TENM1: variants seen among roughly 807,000 people sequenced by gnomAD.
TENM1 encodes the protein teneurin-1.
In TENM1, 35 loss-of-function variants were observed where a neutral mutation model predicts 174.8. The observed-to-expected ratio is 0.20, with a 90% CI of 0.15 to 0.27. TENM1 has a LOEUF of 0.27. TENM1 is among the 10% of genes least tolerant of loss of function. The pLI is 1.00. For missense variants in TENM1, 1,633 were observed against 2,130.1 expected, an observed-to-expected ratio of 0.77 and a Z score of 4.59; for synonymous variants, 781 against 798.7, an observed-to-expected ratio of 0.98 and a Z score of 0.37.
At chrX:124,905,997 T>C (rs1055444129) in intron 1 of TENM1, among the ~76,000 whole-genome samples, 4 of 112,224 alleles carry the variant, frequency 3.6e-5, no homozygotes, top group Admixed American at 1.9e-4. Context: ...TTTGAATTCA[T>C]AGATAGATGT....
At chrX:124,752,487 T>C (rs1379532840) in intron 3 of TENM1, among the ~76,000 whole-genome samples, 5 of 111,817 alleles carry the variant, frequency 4.5e-5, no homozygotes, top group Non-Finnish European at 1.9e-5. Flanking sequence ...GCAGAAGCTC[T>C]TTAGTTTAAT....
At chrX:124,582,001 C>T (rs1402217580) in intron 11 of TENM1, among the ~76,000 whole-genome samples, 1 of 111,697 alleles carries the variant, frequency 9.0e-6, no homozygotes, top group Non-Finnish European at 1.9e-5. Context: ...AGGTATTAAG[C>T]CCCACATGCA....
exon 14 of TENM1, chrX:124,561,741 C>T: frequency 8.3e-7 from 1 of 1,211,182 alleles, no homozygotes; most frequent in Non-Finnish European, 1.1e-6. Context: ...CACTCCAACC[C>T]ACCTGACACA....
At chrX:124,495,285 G>T (rs1341547209) in intron 20 of TENM1, among the ~76,000 whole-genome samples, 1 of 108,308 alleles carries the variant, frequency 9.2e-6, no homozygotes, top group African/African-American at 3.4e-5. Flanking sequence ...ATTTTTTCAT[G>T]TGTTTTTTGG....
the TENM1 span, among the ~76,000 whole-genome samples, chrX:125,018,519 T>G: frequency 2.7e-5 from 3 of 111,519 alleles, no homozygotes; most frequent in East Asian, 8.4e-4. Flanking sequence ...CCCAAAATAT[T>G]TGTAGAATTT....
At chrX:124,472,476 A>T (rs1804274983) in intron 22 of TENM1, among the ~76,000 whole-genome samples, 1 of 105,125 alleles carries the variant, frequency 9.5e-6, no homozygotes, top group East Asian at 3.0e-4. Flanking sequence ...AAGTGCCCTG[A>T]GTAGTGACAT....
intron 23 of TENM1, among the ~76,000 whole-genome samples, chrX:124,424,282 T>G (rs924246919): frequency 8.9e-6 from 1 of 111,855 alleles, no homozygotes; most frequent in African/African-American, 3.2e-5. Context: ...CATTTGGAGG[T>G]GGGGCCATAT....
chrX:125,164,061 TA>T, the TENM1 span, among the ~76,000 whole-genome samples: 1 of 111,867 alleles, frequency 8.9e-6, no homozygotes, highest in Non-Finnish European at 1.9e-5. Flanking sequence ...ACATAGTGCT[TA>T]TGTAATAATG....
chrX:124,527,800 C>T (rs1162473600), intron 16 of TENM1, among the ~76,000 whole-genome samples: 1 of 103,961 alleles, frequency 9.6e-6, no homozygotes, highest in African/African-American at 3.6e-5. Flanking sequence ...AGGCGCCCGC[C>T]ACCACGCCCA....
chrX:125,155,416 C>A, the TENM1 span, among the ~76,000 whole-genome samples: 40 of 112,367 alleles, frequency 3.6e-4, no homozygotes, highest in East Asian at 0.01. Context: ...CCCAGTGGAT[C>A]TCGTACTGGG....
chrX:124,532,708 C>A (rs190992965), intron 15 of TENM1, among the ~76,000 whole-genome samples: 1 of 111,807 alleles, frequency 8.9e-6, no homozygotes, highest in Non-Finnish European at 1.9e-5. Context: ...ATGATCCACA[C>A]AAACTTACAG....
At chrX:125,037,205 T>G in the TENM1 span, among the ~76,000 whole-genome samples, 1 of 110,257 alleles carries the variant, frequency 9.1e-6, no homozygotes, top group African/African-American at 3.3e-5. Context: ...TCTCCTGGGT[T>G]CCAGCATCTG....
chrX:125,199,880 A>G, the TENM1 span, among the ~76,000 whole-genome samples: 2 of 111,569 alleles, frequency 1.8e-5, no homozygotes, highest in East Asian at 2.8e-4. Context: ...TCATATTCCA[A>G]TTTCCTCAGC....
At chrX:125,082,002 T>G in the TENM1 span, among the ~76,000 whole-genome samples, 1 of 109,107 alleles carries the variant, frequency 9.2e-6, no homozygotes, top group East Asian at 2.9e-4. Context: ...GGCAAGGAGG[T>G]GGAAAGGCAG....
the TENM1 span, among the ~76,000 whole-genome samples, chrX:125,011,026 C>G: frequency 9.0e-6 from 1 of 110,680 alleles, no homozygotes; most frequent in Non-Finnish European, 1.9e-5. Flanking sequence ...AGAAATAACA[C>G]CACACATCTA....
chrX:124,936,691 T>C (rs1274138085), intron 1 of TENM1, among the ~76,000 whole-genome samples: 1 of 111,908 alleles, frequency 8.9e-6, no homozygotes, highest in Admixed American at 9.5e-5. Flanking sequence ...TCAAGCCTGG[T>C]TAATCACAGA....
intron 21 of TENM1, among the ~76,000 whole-genome samples, chrX:124,483,824 T>C (rs2046897809): frequency 8.9e-6 from 1 of 111,917 alleles, no homozygotes; most frequent in Admixed American, 9.5e-5. Flanking sequence ...TGAGTCCAAG[T>C]GTTATGACAG....
chrX:125,128,585 C>T, the TENM1 span, among the ~76,000 whole-genome samples: 1 of 111,198 alleles, frequency 9.0e-6, no homozygotes, highest in African/African-American at 3.3e-5. Flanking sequence ...ATGAAAACCT[C>T]CCATGTGCTA....
rs1819676474 is a variant in TENM1 at position 124,721,743 on chromosome X, T to C, written c.776+15214A>G. Among the ~76,000 whole-genome samples the C allele has an allele frequency of 2.7e-5, 3 of 112,328 alleles. No homozygotes were observed. In the South Asian group the frequency reaches 1.1e-3, roughly 41 times the overall value. On this transcript the variant is annotated intron_variant, in intron 4 of 31. Coordinates refer to ENST00000422452, the Ensembl canonical transcript of TENM1. Reference sequence around the variant, plus strand: ...ATAATTTAATAACACATGCTCCACATGAATGTGTTATTAAAATTTCCCAAG... The same window carrying C: ...ATAATTTAATAACACATGCTCCACACGAATGTGTTATTAAAATTTCCCAAG...
Sources: gnomAD v4.1 joint callset for allele counts (sites outside exome capture counted in the v4.1 genomes callset) on GRCh38, gnomAD v4.1.1 for gene constraint, MANE v1.5 for transcripts, NCBI Gene and HGNC (gene_info 2026-07-23, HGNC 2026-07-21) for gene names.